MAPK8: variants seen among roughly 807,000 people sequenced by gnomAD.
MAPK8 encodes the protein mitogen-activated protein kinase 8, also known as JUN N-terminal kinase.
MAPK8 carries 13 observed loss-of-function variants against 52.9 expected under a neutral mutation model. The observed-to-expected ratio is 0.25, with a 90% CI of 0.16 to 0.39. MAPK8 has a LOEUF of 0.39. Among genes scored for constraint, MAPK8 ranks in the 10% least tolerant of loss-of-function variants. The pLI, the probability that MAPK8 is intolerant of heterozygous loss-of-function variation, is 1.00. For missense variants in MAPK8, 300 were observed against 519.2 expected (o/e 0.58, Z 4.10); for synonymous variants, 191 against 169.8 (o/e 1.12, Z -0.97).
At position 48,375,324 on chromosome 10, in the gene MAPK8, C is replaced by T. The variant is rs535323697; in HGVS notation, c.-49-26288C>T. Among the ~76,000 whole-genome samples, 13 of 152,132 alleles carry T rather than the reference C, an allele frequency of 8.5e-5. No homozygotes were observed. The South Asian group carries it at 1.5e-3, about 17-fold the overall frequency. ...AACGGGAAGCATTCTGTTTGAAAAC[C>T]GGCACAAGACAAGGATGCACTCTCT... On this transcript the variant is annotated intron_variant, in intron 1 of 11. Coordinates refer to ENST00000374189, the MANE Select transcript of MAPK8 (RefSeq NM_001323329.2).
At chr10:48,324,223 TC>T (rs1455859685) in intron 1 of MAPK8, among the ~76,000 whole-genome samples, 1 of 152,210 alleles carries the variant, frequency 6.6e-6, no homozygotes, top group African/African-American at 2.4e-5. Context: ...TGCTAATTAT[TC>T]CCCCAAAAGG....
At chr10:48,355,784 A>T (rs1846859356) in intron 1 of MAPK8, among the ~76,000 whole-genome samples, 1 of 152,228 alleles carries the variant, frequency 6.6e-6, no homozygotes, top group Non-Finnish European at 1.5e-5. Context: ...CAGGAACCTA[A>T]GGTGGTTAAA....
chr10:48,424,552 A>G, intron 7 of MAPK8: 1 of 1,603,192 alleles, frequency 6.2e-7, no homozygotes, highest in Non-Finnish European at 8.5e-7. Context: ...GGGAGAAATG[A>G]TCAAAGGTGG....
At chr10:48,386,730 A>G (rs1308983132) in intron 1 of MAPK8, among the ~76,000 whole-genome samples, 1 of 152,208 alleles carries the variant, frequency 6.6e-6, no homozygotes, top group Non-Finnish European at 1.5e-5. Context: ...TTCGGAGGCC[A>G]AGGCAGGAGG....
In MAPK8 at chr10:48,368,689, T is replaced by C. The variant is rs116177597; in HGVS notation, c.-49-32923T>C. ...TCAAAATTGCATGTTAGAAGAATTA[T>C]TTTAGCTAAGAATGTCTTAGTTATA... On this transcript the variant is annotated intron_variant, in intron 1 of 11. Transcript: ENST00000374189. 3.5e-3 allele frequency among the ~76,000 whole-genome samples: 530 copies of C among 152,340 alleles called. 4 individuals are homozygous for C. Among genetic ancestry groups the C allele is most frequent in the African/African-American group, 0.011 (447 of 41,586 alleles).
chr10:48,317,240 C>T (rs1184861203), intron 1 of MAPK8, among the ~76,000 whole-genome samples: 1 of 152,096 alleles, frequency 6.6e-6, no homozygotes, highest in Non-Finnish European at 1.5e-5. Context: ...GTGGTGTGAT[C>T]GTAGATCACT....
At chr10:48,425,826 T>TTAATACAA in intron 7 of MAPK8, 62 bp from the exon 8 acceptor site, 2 of 909,728 alleles carry the variant, frequency 2.2e-6, no homozygotes, top group Non-Finnish European at 3.2e-6. Flanking sequence ...TCTTGTAATA[T>TTAATACAA]GAATATGACT....
chr10:48,354,108 T>A (rs924779234), intron 1 of MAPK8, among the ~76,000 whole-genome samples: 4 of 152,146 alleles, frequency 2.6e-5, no homozygotes, highest in African/African-American at 9.7e-5. Context: ...AGGGGACCTC[T>A]TTTGCTATCT....
chr10:48,329,109 A>G (rs373448366), intron 1 of MAPK8, among the ~76,000 whole-genome samples: 6 of 152,202 alleles, frequency 3.9e-5, no homozygotes, highest in East Asian at 3.8e-4. Flanking sequence ...AGATGGGGAA[A>G]CTCAGGCAAG....
At chr10:48,351,708 CA>C (rs952322283) in intron 1 of MAPK8, among the ~76,000 whole-genome samples, 1 of 151,506 alleles carries the variant, frequency 6.6e-6, no homozygotes, top group Admixed American at 6.6e-5. Context: ...AAAACTGACA[CA>C]AAAAAAAGAA....
intron 1 of MAPK8, among the ~76,000 whole-genome samples, chr10:48,387,488 G>GT (rs1467541284): frequency 7.2e-5 from 11 of 152,080 alleles, no homozygotes; most frequent in African/African-American, 2.4e-4. Context: ...ATAAAATTGT[G>GT]TAAGATTTTA....
chr10:48,353,029 T>C (rs1445909561), intron 1 of MAPK8, among the ~76,000 whole-genome samples: 1 of 152,158 alleles, frequency 6.6e-6, no homozygotes, highest in African/African-American at 2.4e-5. Context: ...TACCTAGATA[T>C]CAGTCTAACA....
At chr10:48,310,050 A>C (rs904470092) in intron 1 of MAPK8, among the ~76,000 whole-genome samples, 7 of 152,150 alleles carry the variant, frequency 4.6e-5, no homozygotes, top group Non-Finnish European at 1.0e-4. Context: ...AAGTGAGTTG[A>C]CTGAAAGGTA....
intron 1 of MAPK8, among the ~76,000 whole-genome samples, chr10:48,332,262 T>A (rs1481548218): frequency 6.6e-6 from 1 of 152,210 alleles, no homozygotes; most frequent in Non-Finnish European, 1.5e-5. Flanking sequence ...TGCTTTGAAA[T>A]GGTCTTAGTC....
chr10:48,365,944 A>G (rs1847988176), intron 1 of MAPK8, among the ~76,000 whole-genome samples: 2 of 152,170 alleles, frequency 1.3e-5, no homozygotes, highest in African/African-American at 2.4e-5. Context: ...GTCAGAATAT[A>G]TAGTAATTTA....
chr10:48,355,005 A>G (rs553140028), intron 1 of MAPK8, among the ~76,000 whole-genome samples: 28 of 152,300 alleles, frequency 1.8e-4, no homozygotes, highest in African/African-American at 6.7e-4. Flanking sequence ...AAACATAAAG[A>G]AACTAAGCAC....
chr10:48,418,813 C>T (rs2043198359), intron 5 of MAPK8, among the ~76,000 whole-genome samples: 1 of 151,990 alleles, frequency 6.6e-6, no homozygotes, highest in Non-Finnish European at 1.5e-5. Flanking sequence ...ACAAAAATAT[C>T]TGTCTTTAAA....
rs3730154 is a variant in MAPK8 at position 48,401,535 on chromosome 10, C to A, written c.-49-77C>A. ...CTAGCAGTCTGTGTTACTATCAGTA[C>A]GTAAACAGTAAGGACTCAAATTTTA... On this transcript the variant is annotated intron_variant, in intron 1 of 11. Transcript: ENST00000374189. 876,870 of 890,478 alleles carry A rather than the reference C, an allele frequency of 0.98. 432,140 individuals carry two copies. The highest frequency in any genetic ancestry group is 1 in the East Asian group (36,166 of 36,170). 55.2% of individuals were successfully genotyped at this position (890,478 alleles called of 1,614,324 possible). A position where few individuals can be genotyped will look rare whatever the true frequency, so the allele number is the denominator to read the frequency against.
chr10:48,414,875 C>A (rs753912404), intron 5 of MAPK8, among the ~76,000 whole-genome samples: 1 of 152,038 alleles, frequency 6.6e-6, no homozygotes, highest in Non-Finnish European at 1.5e-5. Context: ...AGCCATCATG[C>A]CCAGCCTGGA....
Sources: allele counts gnomAD v4.1 joint callset (sites outside exome capture counted in the v4.1 genomes callset), GRCh38; gene constraint gnomAD v4.1.1; transcripts MANE v1.5; gene names NCBI Gene and HGNC (gene_info 2026-07-23, HGNC 2026-07-21).